The following PDZRN3 variants were observed in gnomAD, a reference collection of about 807,000 sequenced individuals.
PDZRN3 encodes the protein PDZ domain containing ring finger 3.
Under a neutral mutation model 85.7 loss-of-function variants are expected in PDZRN3, and 38 were observed. The observed-to-expected ratio is 0.44, with a 90% CI of 0.34 to 0.58. The LOEUF is 0.58. PDZRN3 is among the 20% of genes least tolerant of loss of function. The pLI is 0.01. For missense variants in PDZRN3, 1,629 were observed against 1,506.4 expected, an observed-to-expected ratio of 1.08 and a Z score of -1.35; for synonymous variants, 759 against 638.0, an observed-to-expected ratio of 1.19 and a Z score of -2.86.
At chr3:73,543,267 C>T (rs907588231) in intron 3 of PDZRN3, among the ~76,000 whole-genome samples, 6 of 152,192 alleles carry the variant, frequency 3.9e-5, no homozygotes, top group African/African-American at 1.4e-4. Flanking sequence ...TGTGAGCACC[C>T]AGCATACTGG....
intron 3 of PDZRN3, among the ~76,000 whole-genome samples, chr3:73,427,255 C>A (rs541675526): frequency 6.6e-6 from 1 of 152,292 alleles, no homozygotes; most frequent in Admixed American, 6.5e-5. Flanking sequence ...TACATTTTAC[C>A]AACGTTATGA....
intron 3 of PDZRN3, among the ~76,000 whole-genome samples, chr3:73,538,474 A>T (rs1338383771): frequency 6.6e-6 from 1 of 152,192 alleles, no homozygotes; most frequent in Non-Finnish European, 1.5e-5. Context: ...CTCCAATTAC[A>T]CATATTTACC....
intron 3 of PDZRN3, among the ~76,000 whole-genome samples, chr3:73,472,103 G>C (rs74376515): frequency 6.6e-6 from 1 of 152,146 alleles, no homozygotes; most frequent in Non-Finnish European, 1.5e-5. Context: ...TTCACATCTG[G>C]TGTTAGCAAA....
intron 3 of PDZRN3, among the ~76,000 whole-genome samples, chr3:73,412,668 T>C (rs6782890): frequency 0.66 from 99,624 of 152,024 alleles, 33,219 homozygotes; most frequent in East Asian, 0.86. Flanking sequence ...TATTCATCTC[T>C]TGATGCCTTA....
At chr3:73,498,739 C>A (rs944926263) in intron 3 of PDZRN3, among the ~76,000 whole-genome samples, 3 of 152,078 alleles carry the variant, frequency 2.0e-5, no homozygotes, top group African/African-American at 7.2e-5. Context: ...CACACGCCAC[C>A]GCGCCTGGCT....
chr3:73,425,988 C>T (rs1161098765), intron 3 of PDZRN3, among the ~76,000 whole-genome samples: 1 of 152,144 alleles, frequency 6.6e-6, no homozygotes, highest in Non-Finnish European at 1.5e-5. Context: ...AATACATTCT[C>T]TTCCGGCAGG....
At chr3:73,619,789 T>C (rs916997688) in intron 1 of PDZRN3, among the ~76,000 whole-genome samples, 15 of 152,094 alleles carry the variant, frequency 9.9e-5, no homozygotes, top group African/African-American at 3.6e-4. Context: ...TGGGACAGCA[T>C]AGGAGGCTTG....
chr3:73,567,385 T>C (rs1701968389), intron 3 of PDZRN3, among the ~76,000 whole-genome samples: 1 of 152,148 alleles, frequency 6.6e-6, no homozygotes, highest in Non-Finnish European at 1.5e-5. Context: ...ACAAAATCTG[T>C]TTTTAAAAAA....
intron 3 of PDZRN3, among the ~76,000 whole-genome samples, chr3:73,488,341 C>T (rs1440319291): frequency 6.6e-6 from 1 of 152,184 alleles, no homozygotes; most frequent in Non-Finnish European, 1.5e-5. Flanking sequence ...CCCCTATCAA[C>T]CTTTCCTACT....
At chr3:73,406,351 G>C (rs1701854116) in intron 3 of PDZRN3, among the ~76,000 whole-genome samples, 1 of 152,198 alleles carries the variant, frequency 6.6e-6, no homozygotes, top group African/African-American at 2.4e-5. Context: ...GCATGGGAAG[G>C]AATGGGGTGT....
chr3:73,466,029 G>A (rs9880979), intron 3 of PDZRN3, among the ~76,000 whole-genome samples: 2,275 of 152,208 alleles, frequency 0.015, 65 homozygotes, highest in African/African-American at 0.052. Context: ...AGCTAATTAC[G>A]CTTTACTCTA....
intron 3 of PDZRN3, among the ~76,000 whole-genome samples, chr3:73,422,111 A>G (rs567505201): frequency 2.6e-5 from 4 of 152,252 alleles, no homozygotes; most frequent in Non-Finnish European, 5.9e-5. Context: ...TCTCTCTAGA[A>G]TGTAAGCCCC....
intron 3 of PDZRN3, among the ~76,000 whole-genome samples, chr3:73,506,229 T>C (rs1326360178): frequency 6.6e-6 from 1 of 152,152 alleles, no homozygotes; most frequent in Admixed American, 6.5e-5. Flanking sequence ...GCTGGTCAGG[T>C]TGATCTTGCA....
At chr3:73,578,218 C>T (rs61017812) in intron 3 of PDZRN3, among the ~76,000 whole-genome samples, 59,040 of 146,144 alleles carry the variant, frequency 0.4, 12,075 homozygotes, top group South Asian at 0.46. Flanking sequence ...GGCTGGAGTG[C>T]GAGTGCAGTG....
intron 3 of PDZRN3, among the ~76,000 whole-genome samples, chr3:73,424,090 C>CTT (rs918355545): frequency 6.6e-6 from 1 of 151,984 alleles, no homozygotes; most frequent in Non-Finnish European, 1.5e-5. Flanking sequence ...TTATATAAAA[C>CTT]TTTGGGAGGA....
At chr3:73,566,349 A>G (rs1220170190) in intron 3 of PDZRN3, among the ~76,000 whole-genome samples, 1 of 152,234 alleles carries the variant, frequency 6.6e-6, no homozygotes, top group African/African-American at 2.4e-5. Flanking sequence ...ATGAACTGTG[A>G]GCACAACATT....
At chr3:73,616,109 T>G (rs1307742808) in intron 1 of PDZRN3, among the ~76,000 whole-genome samples, 1 of 152,178 alleles carries the variant, frequency 6.6e-6, no homozygotes, top group Non-Finnish European at 1.5e-5. Context: ...TCTCTCTCCA[T>G]TGCCTCCTTT....
chr3:73,412,007 C>T (rs150393061), intron 3 of PDZRN3, among the ~76,000 whole-genome samples: 111 of 152,262 alleles, frequency 7.3e-4, no homozygotes, highest in African/African-American at 2.6e-3. Flanking sequence ...AGGGCATCTG[C>T]GCATCTGCAG....
At chr3:73,506,848 A>G (rs1047735356) in intron 3 of PDZRN3, among the ~76,000 whole-genome samples, 3 of 151,810 alleles carry the variant, frequency 2.0e-5, no homozygotes, top group African/African-American at 7.3e-5. Context: ...GGATGCAATC[A>G]GCTATGACTG....
Sources: gnomAD v4.1 joint callset for allele counts (sites outside exome capture counted in the v4.1 genomes callset) on GRCh38, gnomAD v4.1.1 for gene constraint, MANE v1.5 for transcripts, NCBI Gene and HGNC (gene_info 2026-07-23, HGNC 2026-07-21) for gene names.